Variants in ATP2B1 observed in about 807,000 individuals in gnomAD.
ATP2B1 encodes the protein plasma membrane calcium-transporting ATPase 1.
In ATP2B1, 14 loss-of-function variants were observed where a neutral mutation model predicts 124.2. The observed-to-expected ratio is 0.11, with a 90% confidence interval of 0.07 to 0.18. ATP2B1 has a LOEUF of 0.18. ATP2B1 is among the 10% of genes least tolerant of loss of function. The pLI, the probability that ATP2B1 is intolerant of heterozygous loss-of-function variation, is 1.00. For synonymous variants in ATP2B1, 449 were observed against 492.4 expected (o/e 0.91, Z 1.17); for missense variants, 763 against 1,466.1 (o/e 0.52, Z 7.83).
intron 3 of ATP2B1, 145 bp downstream of exon 3, chr12:89,642,013 G>A: frequency 3.8e-6 from 3 of 783,412 alleles, no homozygotes; most frequent in South Asian, 1.8e-5. Flanking sequence ...AAAGTTATCT[G>A]AGATAATATA....
At chr12:89,683,614 T>C (rs1339398848) in intron 1 of ATP2B1, among the ~76,000 whole-genome samples, 6 of 152,150 alleles carry the variant, frequency 3.9e-5, no homozygotes, top group Non-Finnish European at 8.8e-5. Flanking sequence ...CCCCGGTCAT[T>C]TGAGATTTTC....
chr12:89,637,709 C>T (rs1882916770), intron 3 of ATP2B1, among the ~76,000 whole-genome samples: 1 of 152,080 alleles, frequency 6.6e-6, no homozygotes, highest in African/African-American at 2.4e-5. Context: ...TTATCTTTTA[C>T]TTTCAATTTC....
intron 1 of ATP2B1, among the ~76,000 whole-genome samples, chr12:89,686,664 G>A (rs1890007375): frequency 6.6e-6 from 1 of 152,042 alleles, no homozygotes; most frequent in Non-Finnish European, 1.5e-5. Flanking sequence ...TGGTCTAAGA[G>A]CACTCTCTGG....
Position 89,621,802 on chromosome 12 carries a change from C to CAAAAA in ATP2B1, c.1345-16_1345-12dup. 2.5e-6 allele frequency: 3 copies of CAAAAA among 1,194,422 alleles called. No individual in the cohort carries two copies. The highest frequency in any genetic ancestry group is 1.9e-5 in the South Asian group (1 of 52,552). The allele number at this position is 1,194,422 out of a possible 1,614,324, so 74.0% of individuals were successfully genotyped here. ...ATCTTTCATCATTTTCTACAGTGACCAAAAAAAAAAAACTAGTTAAGCTGC... is the reference window on the plus strand; with the variant it reads ...ATCTTTCATCATTTTCTACAGTGACCAAAAAAAAAAAAAAAAACTAGTTAAGCTGC... On this transcript the variant is annotated splice_polypyrimidine_tract_variant and intron_variant, in intron 9 of 20. Transcript: ENST00000428670.
rs1873374779 is a variant in ATP2B1 at position 89,590,584 on chromosome 12, C to T, written c.*400G>A. 2 of 160,410 alleles carry T rather than the reference C, an allele frequency of 1.2e-5. No homozygotes were observed. Among genetic ancestry groups the T allele is most frequent in the African/African-American group, 4.8e-5 (2 of 41,504 alleles). 9.9% of individuals were successfully genotyped at this position (160,410 alleles called of 1,614,324 possible). A position where few individuals can be genotyped will look rare whatever the true frequency, so the allele number is the denominator to read the frequency against. ...ATAAATAATCCAAATTATTAACAGC[C>T]AACAGCAGAAATTAAACTATCAATT... On this transcript the variant is annotated 3_prime_UTR_variant, in exon 21 of 21. Transcript: ENST00000428670.
At chr12:89,622,910 T>C (rs1880238101) in intron 9 of ATP2B1, among the ~76,000 whole-genome samples, 1 of 152,128 alleles carries the variant, frequency 6.6e-6, no homozygotes. Flanking sequence ...AATTGAAAAA[T>C]TAGTATCATT....
rs183559909 is a variant in ATP2B1 at position 89,677,855 on chromosome 12, A to G, written c.-221-21748T>C. Among the ~76,000 whole-genome samples the G allele has an allele frequency of 2.0e-4, 31 of 151,656 alleles. 1 individual carries two copies. The East Asian group carries it at 2.5e-3, about 12-fold the overall frequency. On this transcript the variant is annotated intron_variant, in intron 1 of 20. Transcript: ENST00000428670. ...TAAAAGACAAGTTTCAAATACCGTA[A>G]CTAGATGTTCACAGAATGGGACAAA... is the stretch of plus-strand genomic sequence containing the variant.
chr12:89,608,455 C>T (rs2681473), intron 15 of ATP2B1, among the ~76,000 whole-genome samples: 141,915 of 151,916 alleles, frequency 0.93, 66,515 homozygotes, highest in East Asian at 0.99. Context: ...GGATTACAGG[C>T]GTGAGCCATC....
At chr12:89,671,773 T>TC (rs2136527989) in intron 1 of ATP2B1, among the ~76,000 whole-genome samples, 1 of 149,592 alleles carries the variant, frequency 6.7e-6, no homozygotes, top group Admixed American at 6.6e-5. Flanking sequence ...CCAAGGCAGT[T>TC]TTTTTTTTTT....
In ATP2B1 at chr12:89,604,323, A is replaced by G; in HGVS notation, c.2466T>C (p.Ala822=). 6.2e-7 allele frequency: 1 copy of G among 1,609,192 alleles called. No individual in the cohort carries two copies. Among genetic ancestry groups the G allele is most frequent in the Non-Finnish European group, 8.5e-7 (1 of 1,178,682 alleles). Residue 822 remains alanine, a synonymous_variant, in exon 16 of 21, where the codon GCT becomes GCC. Coordinates refer to ENST00000428670, the MANE Select transcript of ATP2B1 (RefSeq NM_001366521.1). ...FAMGIAGTDV[A]KEASDIILTD... ...TGAGAATAATATCGGATGCTTCTTT[A>G]GCTACATCAGTTCCAGCAATACCCT...
intron 10 of ATP2B1, among the ~76,000 whole-genome samples, chr12:89,621,169 A>G (rs1879897595): frequency 6.6e-6 from 1 of 152,180 alleles, no homozygotes; most frequent in African/African-American, 2.4e-5. Flanking sequence ...TATATAAAAC[A>G]TGTTATTTTA....
chr12:89,661,722 T>C (rs1235172640), intron 1 of ATP2B1, among the ~76,000 whole-genome samples: 2 of 152,146 alleles, frequency 1.3e-5, no homozygotes, highest in Non-Finnish European at 2.9e-5. Context: ...ACTCAAGAGA[T>C]CTCCATTTTC....
chr12:89,591,105 G>T lies in ATP2B1; in HGVS notation c.3542C>A (p.Pro1181His), dbSNP rs142404163. 9.2e-4 allele frequency: 1,492 copies of T among 1,613,072 alleles called. 1 individual carries two copies. The highest frequency in any genetic ancestry group is 1.1e-3 in the Non-Finnish European group (1,353 of 1,179,380). Residue 1181 changes from proline to histidine, a missense_variant, in exon 21 of 21, where the codon CCC (proline) becomes CAC (histidine). Coordinates refer to ENST00000428670, the MANE Select transcript of ATP2B1 (RefSeq NM_001366521.1). ...APTKRNSSPPPSPNKNNNAVD... is the reference protein window; with the variant it reads ...APTKRNSSPPHSPNKNNNAVD... ...AGCATTGTTATTTTTGTTGGGAGAG[G>T]GTGGAGGACTGGAGTTACGTTTTGT...
intron 8 of ATP2B1, among the ~76,000 whole-genome samples, chr12:89,625,801 A>C (rs1376343727): frequency 6.6e-6 from 1 of 152,184 alleles, no homozygotes; most frequent in Non-Finnish European, 1.5e-5. Flanking sequence ...TACTGAGGAC[A>C]GAAGCAAAAA....
intron 6 of ATP2B1, among the ~76,000 whole-genome samples, chr12:89,628,401 CAAAAAAAAAAAAAAAAAAA>C (rs567077317): frequency 1.3e-5 from 1 of 79,612 alleles, no homozygotes; most frequent in South Asian, 5.3e-4. Context: ...GACTCCGTCT[CAAAAAAAAAAAAAAAAAAA>C]AAAAAAAAAA....
At position 89,620,180 on chromosome 12, in the gene ATP2B1, A is replaced by G. The variant is rs757154676; in HGVS notation, c.1648T>C (p.Leu550=). ...CGTTTTAAATCCAAAAGAAGTCCCA[A>G]CAAGGCACATTCAGTTTTATTACCA... is the stretch of plus-strand genomic sequence containing the variant. The part of the protein sequence containing the change: ...HVGNKTECAL[L]GLLLDLKRDY... The change falls in exon 11 of 21, where the codon TTG becomes CTG. Residue 550 remains leucine, a synonymous_variant. Transcript: ENST00000428670. 1 of 1,614,082 alleles carries G rather than the reference A, an allele frequency of 6.2e-7. No homozygotes were observed. Among genetic ancestry groups the G allele is most frequent in the African/African-American group, 1.3e-5 (1 of 75,032 alleles).
Position 89,635,220 on chromosome 12 carries a change from T to A in ATP2B1, c.438A>T (p.Glu146Asp), listed in dbSNP as rs1226692973. The A allele has an allele frequency of 3.1e-6, 5 of 1,613,188 alleles. No homozygotes were observed. Among genetic ancestry groups the A allele is most frequent in the Non-Finnish European group, 3.4e-6 (4 of 1,179,792 alleles). The change falls in exon 4 of 21, where the codon GAA (glutamate) becomes GAT (aspartate). Residue 146 changes from glutamate to aspartate, a missense_variant. By Grantham distance (45) the Glu-to-Asp change is conservative (BLOSUM62 2). Transcript: ENST00000428670. ...CAATCCAACCAGTTTCACCTTCACC[T>A]TCTTCCTCCCCAACAGAAACTTCTC... is the stretch of plus-strand genomic sequence containing the variant. ...LCGEVSVGEE[E>D]GEGETGWIEG...
intron 15 of ATP2B1, among the ~76,000 whole-genome samples, chr12:89,605,051 A>G (rs1304352840): frequency 6.6e-6 from 1 of 152,204 alleles, no homozygotes; most frequent in Non-Finnish European, 1.5e-5. Context: ...AACTACAACT[A>G]TATTAACATA....
At chr12:89,695,350 A>G (rs770145409) in intron 1 of ATP2B1, among the ~76,000 whole-genome samples, 1 of 152,142 alleles carries the variant, frequency 6.6e-6, no homozygotes, top group Non-Finnish European at 1.5e-5. Context: ...AAAGCTCTAC[A>G]TAACAGTCTC....
Sources: allele counts gnomAD v4.1 joint callset (sites outside exome capture counted in the v4.1 genomes callset), GRCh38; gene constraint gnomAD v4.1.1; transcripts MANE v1.5; gene names NCBI Gene and HGNC (gene_info 2026-07-23, HGNC 2026-07-21).